The following ANXA10 variants were observed in gnomAD, a reference collection of about 807,000 sequenced individuals.
ANXA10 encodes annexin A10, also known as annexin 14.
A neutral mutation model predicts 53.5 loss-of-function variants in ANXA10; 49 were observed. The observed-to-expected ratio is 0.92, with a 90% CI of 0.73 to 1.16. The LOEUF is 1.16. Among genes scored for constraint, ANXA10 ranks in the 50% most tolerant of loss-of-function variants. The pLI, the probability that ANXA10 is intolerant of heterozygous loss-of-function variation, is 0.00. For synonymous variants in ANXA10, 131 were observed against 128.9 expected, an observed-to-expected ratio of 1.02 and a Z score of -0.11; for missense variants, 393 against 394.4, an observed-to-expected ratio of 1.00 and a Z score of 0.03.
chr4:168,158,887 C>T (rs986538641), intron 3 of ANXA10, among the ~76,000 whole-genome samples: 2 of 152,066 alleles, frequency 1.3e-5, no homozygotes, highest in Non-Finnish European at 2.9e-5. Flanking sequence ...GTCGTGGGAG[C>T]GGATTCCTCA....
At chr4:168,135,557 TCTA>T (rs1258870063) in intron 2 of ANXA10, among the ~76,000 whole-genome samples, 2 of 152,214 alleles carry the variant, frequency 1.3e-5, no homozygotes, top group African/African-American at 4.8e-5. Flanking sequence ...TATTGCTGAC[TCTA>T]CTATGACTGC....
chr4:168,103,815 A>G (rs1730678223), intron 1 of ANXA10, among the ~76,000 whole-genome samples: 2 of 151,858 alleles, frequency 1.3e-5, no homozygotes, highest in Non-Finnish European at 2.9e-5. Flanking sequence ...TTATTTATTT[A>G]TCTTTTTAAA....
intron 1 of ANXA10, among the ~76,000 whole-genome samples, chr4:168,103,500 T>C (rs892623298): frequency 6.6e-6 from 1 of 151,940 alleles, no homozygotes; most frequent in Non-Finnish European, 1.5e-5. Flanking sequence ...CTTTATTCTG[T>C]CCAATCGAGC....
intron 3 of ANXA10, among the ~76,000 whole-genome samples, chr4:168,156,085 A>G (rs1186344353): frequency 2.9e-5 from 2 of 68,458 alleles, no homozygotes; most frequent in Non-Finnish European, 4.9e-5. Flanking sequence ...TATATTATAT[A>G]TAATATTTAT....
rs547742571 is a variant in ANXA10 at position 168,163,080 on chromosome 4, C to A, written c.309+439C>A. ...ATCAGGGACAATATATAGATGATGT[C>A]TTTATATTTTCTTTTTATGACCTGA... On this transcript the variant is annotated intron_variant, in intron 4 of 11. Coordinates refer to ENST00000359299, the MANE Select transcript of ANXA10 (RefSeq NM_007193.5). 2.6e-5 allele frequency among the ~76,000 whole-genome samples: 4 copies of A among 151,986 alleles called. No homozygotes were observed. The South Asian group carries it at 8.3e-4, about 32-fold the overall frequency.
At chr4:168,106,675 C>T (rs1579201680) in intron 1 of ANXA10, among the ~76,000 whole-genome samples, 1 of 152,220 alleles carries the variant, frequency 6.6e-6, no homozygotes, top group South Asian at 2.1e-4. Context: ...ATCAAGTCTG[C>T]TTTACTGCCT....
intron 3 of ANXA10, among the ~76,000 whole-genome samples, chr4:168,155,297 G>T: frequency 7.8e-6 from 1 of 128,332 alleles, no homozygotes; most frequent in Admixed American, 9.5e-5. Context: ...CTCTCTTGTT[G>T]GCCCTTAGTA....
intron 2 of ANXA10, among the ~76,000 whole-genome samples, chr4:168,133,194 G>A (rs116398544): frequency 0.041 from 6,278 of 151,814 alleles, 151 homozygotes; most frequent in Middle Eastern, 0.068. Context: ...GTGTTCCTAC[G>A]CACAAAAAGA....
At chr4:168,093,655 C>T (rs951152863) in intron 1 of ANXA10, among the ~76,000 whole-genome samples, 42 of 152,140 alleles carry the variant, frequency 2.8e-4, no homozygotes, top group Non-Finnish European at 4.6e-4. Flanking sequence ...CCAGCCTGGG[C>T]GACAGAGCGA....
chr4:168,185,110 C>T (rs773489531), intron 11 of ANXA10, among the ~76,000 whole-genome samples: 3 of 151,800 alleles, frequency 2.0e-5, no homozygotes, highest in African/African-American at 4.8e-5. Context: ...GCTGAGATTG[C>T]GCCACTGCAC....
rs572548160 is a variant in ANXA10, at chr4:168,103,939, A to G, written c.18+11221A>G. ...CGGTATGGTATTGAAGTAATGGAAA[A>G]TAACATTCTTGCTTTCTTCCTAGTC... On this transcript the variant is annotated intron_variant, in intron 1 of 11. Transcript: ENST00000359299. 4.6e-5 allele frequency among the ~76,000 whole-genome samples: 7 copies of G among 152,064 alleles called. No individual in the cohort carries two copies. The South Asian group carries it at 1.2e-3, about 27-fold the overall frequency.
intron 1 of ANXA10, among the ~76,000 whole-genome samples, chr4:168,100,072 A>C (rs1194109244): frequency 6.6e-6 from 1 of 152,148 alleles, no homozygotes; most frequent in East Asian, 1.9e-4. Context: ...AAATTCATGT[A>C]ATCTAGAATC....
At chr4:168,109,155 A>AT (rs889236108) in intron 1 of ANXA10, among the ~76,000 whole-genome samples, 5 of 151,790 alleles carry the variant, frequency 3.3e-5, no homozygotes, top group African/African-American at 9.7e-5. Context: ...TGTTTCCCAC[A>AT]TTTTTTTTCT....
At chr4:168,170,177 T>C (rs992644830) in intron 6 of ANXA10, among the ~76,000 whole-genome samples, 2 of 152,214 alleles carry the variant, frequency 1.3e-5, no homozygotes, top group African/African-American at 4.8e-5. Flanking sequence ...ACACACAATA[T>C]TTTATCACTG....
At chr4:168,159,012 T>G (rs931716423) in intron 3 of ANXA10, among the ~76,000 whole-genome samples, 1 of 152,166 alleles carries the variant, frequency 6.6e-6, no homozygotes, top group Admixed American at 6.5e-5. Context: ...TGAAGCCTCA[T>G]GAGAAGCAGA....
intron 1 of ANXA10, among the ~76,000 whole-genome samples, chr4:168,120,397 T>C (rs1730965305): frequency 6.6e-6 from 1 of 152,032 alleles, no homozygotes; most frequent in African/African-American, 2.4e-5. Context: ...AAGCACATCT[T>C]GGGGGAAAAA....
intron 1 of ANXA10, among the ~76,000 whole-genome samples, chr4:168,108,141 A>T (rs1226443260): frequency 2.0e-5 from 3 of 152,192 alleles, no homozygotes; most frequent in African/African-American, 7.2e-5. Flanking sequence ...TAACTAGAGT[A>T]TAATGAGCAG....
At chr4:168,160,711 C>T (rs1232265813) in intron 3 of ANXA10, among the ~76,000 whole-genome samples, 1 of 152,098 alleles carries the variant, frequency 6.6e-6, no homozygotes, top group Non-Finnish European at 1.5e-5. Flanking sequence ...TCCACAACCT[C>T]ACCAACATCT....
At chr4:168,173,487 A>G (rs980947551) in intron 6 of ANXA10, among the ~76,000 whole-genome samples, 4 of 152,176 alleles carry the variant, frequency 2.6e-5, no homozygotes, top group African/African-American at 4.8e-5. Flanking sequence ...TGCTATATTG[A>G]GAAAAGACTA....
Sources: allele counts gnomAD v4.1 joint callset (sites outside exome capture counted in the v4.1 genomes callset), GRCh38; gene constraint gnomAD v4.1.1; transcripts MANE v1.5; gene names NCBI Gene and HGNC (gene_info 2026-07-23, HGNC 2026-07-21).